Variants in RPS6KA5 observed in about 807,000 individuals in gnomAD.
RPS6KA5 encodes the protein ribosomal protein S6 kinase alpha-5.
A neutral mutation model predicts 85.5 loss-of-function variants in RPS6KA5; 27 were observed. The ratio of observed to expected loss-of-function variants is 0.32; its 90% CI spans 0.23 to 0.44. The LOEUF (loss-of-function observed/expected upper bound fraction) is 0.44. RPS6KA5 is among the 20% of genes least tolerant of loss of function. The pLI is 1.00. For missense variants in RPS6KA5, 811 were observed against 980.9 expected, an observed-to-expected ratio of 0.83 and a Z score of 2.31; for synonymous variants, 334 against 348.2, an observed-to-expected ratio of 0.96 and a Z score of 0.46.
intron 1 of RPS6KA5, among the ~76,000 whole-genome samples, chr14:91,042,196 T>C (rs2139892905): frequency 6.6e-6 from 1 of 152,324 alleles, no homozygotes; most frequent in East Asian, 1.9e-4. Context: ...TTGTGTCAAC[T>C]TTCTGTGTTT....
intron 15 of RPS6KA5, among the ~76,000 whole-genome samples, chr14:90,874,616 AGG>A (rs1209028730): frequency 6.6e-6 from 1 of 152,200 alleles, no homozygotes; most frequent in African/African-American, 2.4e-5. Flanking sequence ...ATAATCACAT[AGG>A]GATTCTAGAA....
chr14:90,936,241 T>C (rs545096612), intron 5 of RPS6KA5, among the ~76,000 whole-genome samples: 1 of 152,346 alleles, frequency 6.6e-6, no homozygotes, highest in Non-Finnish European at 1.5e-5. Flanking sequence ...CTTTAACCTG[T>C]ATGTAGTCTA....
At chr14:90,937,329 A>G (rs2140336826) in intron 5 of RPS6KA5, among the ~76,000 whole-genome samples, 1 of 152,266 alleles carries the variant, frequency 6.6e-6, no homozygotes, top group Admixed American at 6.5e-5. Flanking sequence ...GGAGTAAGGG[A>G]CATGTGAGTA....
intron 1 of RPS6KA5, among the ~76,000 whole-genome samples, chr14:91,018,534 C>T: frequency 6.6e-6 from 1 of 152,192 alleles, no homozygotes; most frequent in East Asian, 1.9e-4. Context: ...AATTAGGTGG[C>T]GTAAGCTGAC....
intron 3 of RPS6KA5, among the ~76,000 whole-genome samples, chr14:90,971,983 C>T (rs1159817574): frequency 6.6e-6 from 1 of 152,100 alleles, no homozygotes; most frequent in Non-Finnish European, 1.5e-5. Flanking sequence ...TAGCTTTCAG[C>T]TAGAAGGTAT....
At chr14:90,982,822 T>C (rs1247492324) in intron 2 of RPS6KA5, among the ~76,000 whole-genome samples, 1 of 151,776 alleles carries the variant, frequency 6.6e-6, no homozygotes, top group African/African-American at 2.4e-5. Flanking sequence ...CTACTAAAAA[T>C]ACAAAAGTTG....
Position 90,890,314 on chromosome 14 carries a change from T to C in RPS6KA5, c.1836+173A>G, listed in dbSNP as rs578124628. Among the ~76,000 whole-genome samples, 18 of 152,352 alleles carry C rather than the reference T, an allele frequency of 1.2e-4. No homozygotes were observed. The South Asian group carries it at 3.3e-3, about 28-fold the overall frequency. ...ATAGAAATTCTTACATTTTCTTTAATATACATTTTAAGACAGGGAAATACT... is the reference window on the plus strand; with the variant it reads ...ATAGAAATTCTTACATTTTCTTTAACATACATTTTAAGACAGGGAAATACT... On this transcript the variant is annotated intron_variant, in intron 14 of 16. Transcript: ENST00000614987.
intron 2 of RPS6KA5, among the ~76,000 whole-genome samples, chr14:91,000,047 C>T (rs1048193865): frequency 4.6e-5 from 7 of 151,810 alleles, no homozygotes; most frequent in East Asian, 1.9e-4. Flanking sequence ...CTTCTCCCAT[C>T]TTGGCCTCCC....
chr14:90,866,257 G>A lies in RPS6KA5; in HGVS notation c.*5817C>T, dbSNP rs2032797228. The stretch of plus-strand genomic sequence containing the variant: ...AGGCGGGAGGATTGCTTGAAGCCAG[G>A]AGTTTGAGACTAGCCTGGGCACCAT... On this transcript the variant is annotated 3_prime_UTR_variant, in exon 17 of 17. Transcript: ENST00000614987. 1 of 152,334 alleles carries A rather than the reference G, an allele frequency of 6.6e-6. No individual in the cohort carries two copies. The highest frequency in any genetic ancestry group is 1.5e-5 in the Non-Finnish European group (1 of 68,172). The allele number at this position is 152,334 out of a possible 1,614,324, so 9.4% of individuals were successfully genotyped here.
chr14:90,862,926 A>C lies in RPS6KA5; in HGVS notation c.*9148T>G, dbSNP rs543317065. ...GAAAAATACAAGATTATCTCAACAG[A>C]GGCAGAAAAAGCATTTAGTAAAAAC... On this transcript the variant is annotated 3_prime_UTR_variant, in exon 17 of 17. Coordinates refer to ENST00000614987, the MANE Select transcript of RPS6KA5 (RefSeq NM_004755.4). 1 of 152,248 alleles carries C rather than the reference A, an allele frequency of 6.6e-6. No homozygotes were observed. The highest frequency in any genetic ancestry group is 1.9e-4 in the East Asian group (1 of 5,188). The allele number at this position is 152,248 out of a possible 1,614,324, so 9.4% of individuals were successfully genotyped here.
chr14:90,896,272 G>C (rs971119804), intron 12 of RPS6KA5, among the ~76,000 whole-genome samples: 16 of 152,194 alleles, frequency 1.1e-4, no homozygotes, highest in Non-Finnish European at 2.1e-4. Flanking sequence ...TGTACGAACA[G>C]ATTTAGAGTT....
intron 3 of RPS6KA5, among the ~76,000 whole-genome samples, chr14:90,968,131 A>G (rs930329557): frequency 6.6e-6 from 1 of 152,266 alleles, no homozygotes; most frequent in Non-Finnish European, 1.5e-5. Context: ...CCAGGGAAAA[A>G]TCTGTTTCCT....
chr14:90,895,837 C>T (rs1190930163), intron 12 of RPS6KA5, among the ~76,000 whole-genome samples: 1 of 152,188 alleles, frequency 6.6e-6, no homozygotes, highest in East Asian at 1.9e-4. Context: ...CTGCAGGGAG[C>T]CGTCACTGTG....
intron 1 of RPS6KA5, among the ~76,000 whole-genome samples, chr14:91,034,369 G>A (rs2042312699): frequency 3.3e-5 from 5 of 152,014 alleles, no homozygotes; most frequent in Admixed American, 6.6e-5. Context: ...GCTGTCTGAG[G>A]TGATGAGAGG....
rs1167544420 is a variant in RPS6KA5 at position 90,855,973 on chromosome 14, A to C, written c.*16101T>G. The C allele has an allele frequency of 6.6e-6, 1 of 152,172 alleles. No individual in the cohort carries two copies. Among genetic ancestry groups the C allele is most frequent in the Non-Finnish European group, 1.5e-5 (1 of 68,060 alleles). The allele number at this position is 152,172 out of a possible 1,614,324, so 9.4% of individuals were successfully genotyped here. A position where few individuals can be genotyped will look rare whatever the true frequency, so the allele number is the denominator to read the frequency against. On this transcript the variant is annotated 3_prime_UTR_variant, in exon 17 of 17. Transcript: ENST00000614987. The stretch of plus-strand genomic sequence containing the variant: ...GATCCACCCGCCTTGGCCTCCCAAA[A>C]GGCCGGTGCTCCCATTATTATAATG...
intron 5 of RPS6KA5, among the ~76,000 whole-genome samples, chr14:90,930,014 G>A (rs1248011120): frequency 6.6e-6 from 1 of 152,152 alleles, no homozygotes; most frequent in African/African-American, 2.4e-5. Context: ...GGGACTAAAG[G>A]CATGCACCAA....
intron 4 of RPS6KA5, 82 bp from the exon 5 acceptor site, chr14:90,943,267 A>AT (rs1235412050): frequency 1.7e-4 from 124 of 714,032 alleles, no homozygotes; most frequent in Middle Eastern, 7.2e-4. Flanking sequence ...ACCTTTATTT[A>AT]TTTATTTTTT....
At chr14:90,916,456 C>T (rs28595177) in intron 7 of RPS6KA5, among the ~76,000 whole-genome samples, 5 of 151,860 alleles carry the variant, frequency 3.3e-5, no homozygotes, top group Non-Finnish European at 7.4e-5. Flanking sequence ...ACAAAAAATA[C>T]GGAAAGTATG....
In RPS6KA5 at chr14:91,004,485, C is replaced by T. The variant is rs188648434; in HGVS notation, c.104-3326G>A. 6.8e-4 allele frequency among the ~76,000 whole-genome samples: 104 copies of T among 152,270 alleles called. 1 individual carries two copies. The highest frequency in any genetic ancestry group is 2.4e-3 in the African/African-American group (100 of 41,542). ...TTGTCTGAGACTGTCAGATAACATTCCTTTGGTTCTTGTCTTTGCTCAAAG... is the reference window on the plus strand; with the variant it reads ...TTGTCTGAGACTGTCAGATAACATTTCTTTGGTTCTTGTCTTTGCTCAAAG... On this transcript the variant is annotated intron_variant, in intron 1 of 16. Coordinates refer to ENST00000614987, the MANE Select transcript of RPS6KA5 (RefSeq NM_004755.4).
Sources: gnomAD v4.1 joint callset for allele counts (sites outside exome capture counted in the v4.1 genomes callset) on GRCh38, gnomAD v4.1.1 for gene constraint, MANE v1.5 for transcripts, NCBI Gene and HGNC (gene_info 2026-07-23, HGNC 2026-07-21) for gene names.